The following RIMBP2 variants were observed in gnomAD, a reference collection of about 807,000 sequenced individuals.
RIMBP2 encodes the protein RIMS binding protein 2.
RIMBP2 carries 48 observed loss-of-function variants against 118.6 expected under a neutral mutation model. The ratio of observed to expected loss-of-function variants is 0.40; its 90% CI spans 0.32 to 0.51. The LOEUF is 0.51. Among genes scored for constraint, RIMBP2 ranks in the 20% least tolerant of loss-of-function variants. RIMBP2 has a pLI of 0.41. For synonymous variants in RIMBP2, 762 were observed against 742.9 expected (o/e 1.03, Z -0.42); for missense variants, 1,551 against 1,768.3 (o/e 0.88, Z 2.20).
At chr12:130,645,840 C>G (rs1422983990) in intron 1 of RIMBP2, among the ~76,000 whole-genome samples, 4 of 152,246 alleles carry the variant, frequency 2.6e-5, no homozygotes, top group Non-Finnish European at 5.9e-5. Flanking sequence ...AGATTTCTTA[C>G]CAACAGAAAT....
intron 1 of RIMBP2, among the ~76,000 whole-genome samples, chr12:130,705,846 T>A (rs1371707406): frequency 1.3e-5 from 2 of 152,216 alleles, no homozygotes; most frequent in Admixed American, 1.3e-4. Context: ...CTTCCCAGCC[T>A]ACCCATCCCT....
intron 6 of RIMBP2, among the ~76,000 whole-genome samples, chr12:130,462,956 T>C (rs2080136564): frequency 6.6e-6 from 1 of 152,234 alleles, no homozygotes; most frequent in Admixed American, 6.5e-5. Context: ...CTAAGAGTCC[T>C]GCCCGCCCAC....
At chr12:130,406,667 G>A (rs1370532117) in intron 20 of RIMBP2, among the ~76,000 whole-genome samples, 3 of 152,158 alleles carry the variant, frequency 2.0e-5, no homozygotes, top group South Asian at 4.1e-4. Flanking sequence ...TATTTATTGA[G>A]ACAGAATCTC....
intron 3 of RIMBP2, among the ~76,000 whole-genome samples, chr12:130,515,842 C>T (rs2138221): frequency 0.26 from 39,404 of 151,824 alleles, 5,577 homozygotes; most frequent in African/African-American, 0.34. Flanking sequence ...GGATTCCAGG[C>T]GTGCACCACC....
intron 2 of RIMBP2, among the ~76,000 whole-genome samples, chr12:130,543,374 A>C (rs1239460342): frequency 2.0e-5 from 3 of 152,234 alleles, no homozygotes; most frequent in Non-Finnish European, 4.4e-5. Context: ...TGGGAAAAAC[A>C]CATTCTAAAA....
intron 1 of RIMBP2, chr12:130,658,544 A>T (rs568992388): frequency 3.9e-5 from 6 of 152,362 alleles, no homozygotes; most frequent in African/African-American, 1.2e-4. Context: ...TCACTGAGTA[A>T]ATTGACAAAA....
chr12:130,447,285 G>C lies in RIMBP2; in HGVS notation c.582-2016C>G, dbSNP rs557238649. 6.6e-6 allele frequency among the ~76,000 whole-genome samples: 1 copy of C among 151,908 alleles called. No homozygotes were observed. The highest frequency in any genetic ancestry group is 2.4e-5 in the African/African-American group (1 of 41,338). On this transcript the variant is annotated intron_variant, in intron 9 of 22. Transcript: ENST00000690449. This position sits in a 1 kb window ranked among gnomAD's most constrained non-coding sequence, Gnocchi z 4.4. ...GAAGGTCCCTGGCTGGTAAGGGCAC[G>C]GAGAAGAAGTGGGAGATCCTACGGC...
At chr12:130,682,361 C>T (rs772177231) in intron 1 of RIMBP2, among the ~76,000 whole-genome samples, 1 of 152,186 alleles carries the variant, frequency 6.6e-6, no homozygotes, top group African/African-American at 2.4e-5. Flanking sequence ...TGAGTGACCA[C>T]GTGGAGGAAG....
At position 130,431,933 on chromosome 12, in the gene RIMBP2, T is replaced by C; in HGVS notation, c.2253+2801A>G. 6.0e-6 allele frequency: 1 copy of C among 165,878 alleles called. No homozygotes were observed. The highest frequency in any genetic ancestry group is 1.3e-5 in the Non-Finnish European group (1 of 77,188). The allele number at this position is 165,878 out of a possible 1,614,324, so 10.3% of individuals were successfully genotyped here. On this transcript the variant is annotated intron_variant, in intron 14 of 22. Transcript: ENST00000690449. This position sits in a 1 kb window ranked among gnomAD's most constrained non-coding sequence, Gnocchi z 4.0. The stretch of plus-strand genomic sequence containing the variant: ...GTTTACATGTAAACTAATTAGAATG[T>C]AAACTAATCTGGAACTAATTTTATA...
rs914156308 is a variant in RIMBP2 at position 130,622,484 on chromosome 12, A to G, written c.-217+5838T>C. Among the ~76,000 whole-genome samples the G allele has an allele frequency of 6.6e-6, 1 of 151,858 alleles. No homozygotes were observed. The highest frequency in any genetic ancestry group is 1.9e-4 in the East Asian group (1 of 5,184). On this transcript the variant is annotated intron_variant, in intron 2 of 22. Coordinates refer to ENST00000690449, the MANE Select transcript of RIMBP2 (RefSeq NM_001393629.1). The surrounding 1 kb of genome is among the most constrained non-coding windows in gnomAD (Gnocchi z 8.5). The stretch of plus-strand genomic sequence containing the variant: ...TATAATTCTCTACTATTTTTCATAT[A>G]TTTATATATAATATATATTTGATAA...
intron 1 of RIMBP2, among the ~76,000 whole-genome samples, chr12:130,645,965 G>T (rs1429175758): frequency 1.3e-5 from 2 of 152,064 alleles, no homozygotes; most frequent in African/African-American, 4.8e-5. Flanking sequence ...TGCTTTTAAA[G>T]AAGGAAAGAA....
intron 1 of RIMBP2, among the ~76,000 whole-genome samples, chr12:130,696,965 G>T (rs1038075011): frequency 1.3e-5 from 2 of 152,170 alleles, no homozygotes; most frequent in African/African-American, 2.4e-5. Context: ...AGAGGTGAAC[G>T]GGGGCTGTAA....
chr12:130,706,370 G>A (rs1044920397), intron 1 of RIMBP2, among the ~76,000 whole-genome samples: 8 of 152,372 alleles, frequency 5.3e-5, no homozygotes, highest in South Asian at 2.1e-4. Flanking sequence ...CAACGAAAGC[G>A]CAGAGAGGTT....
rs950069796 is a variant in RIMBP2, at chr12:130,638,624, C to T, written c.-351-10168G>A. Among the ~76,000 whole-genome samples, 4 of 152,208 alleles carry T rather than the reference C, an allele frequency of 2.6e-5. No individual in the cohort carries two copies. The East Asian group carries it at 7.7e-4, about 29-fold the overall frequency. On this transcript the variant is annotated intron_variant, in intron 1 of 22. Transcript: ENST00000690449. ...GCATGCTCCTTATGAGTATCTAATG[C>T]CTGATGATCTGAGGTTTCATCCTGA...
chr12:130,496,905 A>G (rs1345111597), intron 4 of RIMBP2, among the ~76,000 whole-genome samples: 1 of 152,136 alleles, frequency 6.6e-6, no homozygotes, highest in Non-Finnish European at 1.5e-5. Flanking sequence ...TGGGATGTGT[A>G]TACACTGGGG....
chr12:130,439,207 T>A (rs2077807901), intron 11 of RIMBP2, among the ~76,000 whole-genome samples: 1 of 150,766 alleles, frequency 6.6e-6, no homozygotes, highest in East Asian at 2.0e-4. Context: ...CATATATGTG[T>A]ATATGTGGAT....
At chr12:130,478,749 A>G (rs2081665611) in intron 5 of RIMBP2, among the ~76,000 whole-genome samples, 163 bp downstream of exon 5, 2 of 152,210 alleles carry the variant, frequency 1.3e-5, no homozygotes, top group South Asian at 2.1e-4. Context: ...AAGAAACACC[A>G]CAGCAGGAAA....
chr12:130,608,106 T>G (rs116085150), intron 2 of RIMBP2, among the ~76,000 whole-genome samples: 6 of 152,220 alleles, frequency 3.9e-5, no homozygotes, highest in Admixed American at 1.3e-4. Flanking sequence ...CAACCTTCCA[T>G]GTCTGACCTC....
At chr12:130,556,732 T>C (rs2056392917) in intron 2 of RIMBP2, among the ~76,000 whole-genome samples, 1 of 152,132 alleles carries the variant, frequency 6.6e-6, no homozygotes, top group Admixed American at 6.5e-5. Flanking sequence ...GCCATCACCA[T>C]TGGCCAAGCC....
Sources: gnomAD v4.1 joint callset for allele counts (sites outside exome capture counted in the v4.1 genomes callset) on GRCh38, gnomAD v4.1.1 for gene constraint, Gnocchi (gnomAD v3.1) non-coding constraint, MANE v1.5 for transcripts, NCBI Gene and HGNC (gene_info 2026-07-23, HGNC 2026-07-21) for gene names.